KLHL8: variants seen among roughly 807,000 people sequenced by gnomAD.
The protein encoded by KLHL8 is kelch-like protein 8.
Under a neutral mutation model 63.5 loss-of-function variants are expected in KLHL8, and 38 were observed. The observed-to-expected ratio is 0.60, with a 90% CI of 0.46 to 0.78. The LOEUF (loss-of-function observed/expected upper bound fraction) is 0.78, where lower values mean the gene tolerates loss of function less well. Among genes scored for constraint, KLHL8 ranks in the 30% least tolerant of loss-of-function variants. The pLI is 0.00. For missense variants in KLHL8, 566 were observed against 752.4 expected (o/e 0.75, Z 2.90); for synonymous variants, 224 against 254.3 (o/e 0.88, Z 1.13).
At chr4:87,180,879 C>T (rs1266817990) in intron 4 of KLHL8, among the ~76,000 whole-genome samples, 1 of 150,850 alleles carries the variant, frequency 6.6e-6, no homozygotes, top group Admixed American at 6.6e-5. Flanking sequence ...CCAATCCCTA[C>T]AAAAAAGAAA....
At position 87,215,254 on chromosome 4, in the gene KLHL8, T is replaced by A. The variant is rs945734093; in HGVS notation, c.-152+5164A>T. On this transcript the variant is annotated intron_variant, in intron 1 of 9. Transcript: ENST00000273963. ...AACTTTCATTATTAAAGTTAAGCAA[T>A]CCTCTGCATTAAAATAACTAAAGAT... is the stretch of plus-strand genomic sequence containing the variant. Among the ~76,000 whole-genome samples the A allele has an allele frequency of 6.6e-5, 10 of 152,206 alleles. No individual in the cohort carries two copies. The South Asian group carries it at 2.1e-3, about 31-fold the overall frequency.
At chr4:87,232,440 C>T (rs1456837233) in intron 1 of KLHL8, among the ~76,000 whole-genome samples, 1 of 152,200 alleles carries the variant, frequency 6.6e-6, no homozygotes, top group Non-Finnish European at 1.5e-5. Flanking sequence ...TTGATGGATA[C>T]TTGGATTACT....
rs1364154090 is a variant in KLHL8 at position 87,226,956 on chromosome 4, AGTAATATATATTATATATAAATAATAT to A, written n.58-5593_58-5567del. 7.1e-4 allele frequency among the ~76,000 whole-genome samples: 38 copies of A among 53,894 alleles called. 2 individuals are homozygous for A. The highest frequency in any genetic ancestry group is 2.6e-3 in the African/African-American group (38 of 14,548). 35.4% of individuals were successfully genotyped at this position (53,894 alleles called of 152,430 possible). On this transcript the variant is annotated intron_variant and non_coding_transcript_variant, in intron 1 of 1. Coordinates refer to the KLHL8 transcript ENST00000506274. ...ATATAAATAATATATATTATATATA[AGTAATATATATTATATATAAATAATAT>A]ATAATATATAAATAATATATATTAT... is the stretch of plus-strand genomic sequence containing the variant.
At chr4:87,223,382 GT>G (rs1732918941), upstream of KLHL8, among the ~76,000 whole-genome samples, 1 of 152,002 alleles carries the variant, frequency 6.6e-6, no homozygotes. Flanking sequence ...ACTATTTGTA[GT>G]TACTAACAAA....
intron 8 of KLHL8, among the ~76,000 whole-genome samples, chr4:87,169,754 C>T (rs1172713648): frequency 1.3e-5 from 2 of 152,034 alleles, no homozygotes; most frequent in African/African-American, 4.8e-5. Flanking sequence ...GTCCTAGCTA[C>T]TTGAGAGGCT....
At chr4:87,209,275 C>T (rs948485864) in intron 1 of KLHL8, among the ~76,000 whole-genome samples, 3 of 152,016 alleles carry the variant, frequency 2.0e-5, no homozygotes, top group Non-Finnish European at 4.4e-5. Flanking sequence ...ATTAAAAGCA[C>T]AAAACAACAG....
At chr4:87,215,451 T>C (rs946847882) in intron 1 of KLHL8, among the ~76,000 whole-genome samples, 4 of 152,220 alleles carry the variant, frequency 2.6e-5, no homozygotes, top group African/African-American at 4.8e-5. Flanking sequence ...CCTTGAACTT[T>C]GAAAAACATT....
chr4:87,208,109 C>T, intron 1 of KLHL8: 1 of 494,536 alleles, frequency 2.0e-6, no homozygotes. Flanking sequence ...AGACCACCAG[C>T]CCCAGAGAGA....
intron 1 of KLHL8, among the ~76,000 whole-genome samples, chr4:87,196,606 T>C (rs1578384745): frequency 6.6e-6 from 1 of 152,228 alleles, no homozygotes; most frequent in African/African-American, 2.4e-5. Context: ...CTCATTTTAT[T>C]TGCATTTTCA....
intron 1 of KLHL8, among the ~76,000 whole-genome samples, chr4:87,216,881 T>G (rs1732616370): frequency 6.6e-6 from 1 of 152,234 alleles, no homozygotes; most frequent in Non-Finnish European, 1.5e-5. Context: ...GAGAATGTTT[T>G]CACATACAAC....
intron 1 of KLHL8, among the ~76,000 whole-genome samples, chr4:87,198,708 T>C (rs1171573135): frequency 6.6e-6 from 1 of 152,192 alleles, no homozygotes; most frequent in Non-Finnish European, 1.5e-5. Flanking sequence ...CAAGAGATAC[T>C]TGTGATGGAA....
chr4:87,179,712 T>C (rs1730976749), intron 4 of KLHL8, among the ~76,000 whole-genome samples: 1 of 152,066 alleles, frequency 6.6e-6, no homozygotes, highest in African/African-American at 2.4e-5. Flanking sequence ...ATGATTTCAA[T>C]GCCGCAGTGA....
At chr4:87,221,802 A>G (rs914850404), upstream of KLHL8, among the ~76,000 whole-genome samples, 5 of 152,182 alleles carry the variant, frequency 3.3e-5, no homozygotes, top group Admixed American at 3.3e-4. Flanking sequence ...ATAATTCTTA[A>G]TATTTCAAAA....
chr4:87,198,067 C>T (rs565417522), intron 1 of KLHL8, among the ~76,000 whole-genome samples: 14 of 151,262 alleles, frequency 9.3e-5, no homozygotes, highest in Admixed American at 5.3e-4. Context: ...GCCTATAATC[C>T]CAGCACTTTG....
At chr4:87,189,008 A>G (rs899980432) in intron 2 of KLHL8, among the ~76,000 whole-genome samples, 6 of 152,226 alleles carry the variant, frequency 3.9e-5, no homozygotes, top group Non-Finnish European at 8.8e-5. Context: ...CTGAGCAAAG[A>G]CGGATTCAAG....
At chr4:87,204,853 T>C (rs1308031263) in intron 1 of KLHL8, among the ~76,000 whole-genome samples, 1 of 152,210 alleles carries the variant, frequency 6.6e-6, no homozygotes, top group Non-Finnish European at 1.5e-5. Flanking sequence ...AAGAGAGTTT[T>C]ATGGGATGAT....
intron 1 of KLHL8, among the ~76,000 whole-genome samples, chr4:87,234,214 C>A (rs376942654): frequency 6.6e-6 from 1 of 151,982 alleles, no homozygotes; most frequent in Non-Finnish European, 1.5e-5. Context: ...CCAAGGTGGG[C>A]GGATCACAAG....
At chr4:87,198,510 T>G (rs1731788102) in intron 1 of KLHL8, among the ~76,000 whole-genome samples, 1 of 152,184 alleles carries the variant, frequency 6.6e-6, no homozygotes, top group South Asian at 2.1e-4. Context: ...GACAAGCTAT[T>G]GAAACATGTA....
chr4:87,236,074 T>A (rs1276628551), intron 1 of KLHL8, among the ~76,000 whole-genome samples: 2 of 152,170 alleles, frequency 1.3e-5, no homozygotes, highest in Admixed American at 1.3e-4. Flanking sequence ...TTTCTTAAAG[T>A]AAGCCTTGAC....
Sources: allele counts gnomAD v4.1 joint callset (sites outside exome capture counted in the v4.1 genomes callset), GRCh38; gene constraint gnomAD v4.1.1; transcripts MANE v1.5; gene names NCBI Gene and HGNC (gene_info 2026-07-23, HGNC 2026-07-21).